Variants in MBD5 observed in about 807,000 individuals in gnomAD.
MBD5 encodes methyl-CpG-binding domain protein 5.
A neutral mutation model predicts 117.3 loss-of-function variants in MBD5; 13 were observed. The observed-to-expected ratio is 0.11, with a 90% CI of 0.07 to 0.18. The LOEUF (loss-of-function observed/expected upper bound fraction) is 0.18. MBD5 is among the 10% of genes least tolerant of loss of function. The pLI, the probability that MBD5 is intolerant of heterozygous loss-of-function variation, is 1.00. For synonymous variants in MBD5, 727 were observed against 766.4 expected (o/e 0.95, Z 0.85); for missense variants, 1,879 against 2,093.8 (o/e 0.90, Z 2.00).
chr2:148,340,939 C>T (rs1157567300), intron 3 of MBD5, among the ~76,000 whole-genome samples: 1 of 151,736 alleles, frequency 6.6e-6, no homozygotes, highest in Non-Finnish European at 1.5e-5. Context: ...TATAACACCT[C>T]TATTAGTTAG....
intron 3 of MBD5, among the ~76,000 whole-genome samples, chr2:148,303,784 ACT>A (rs1701827660): frequency 6.6e-6 from 1 of 152,178 alleles, no homozygotes. Flanking sequence ...TAGTTTGCTC[ACT>A]CTGAATAGAT....
At chr2:148,257,272 C>T (rs1231889357) in intron 3 of MBD5, among the ~76,000 whole-genome samples, 4 of 152,196 alleles carry the variant, frequency 2.6e-5, no homozygotes, top group Non-Finnish European at 2.9e-5. Context: ...CTGAATAGCC[C>T]GCTTGGCTGC....
chr2:148,441,523 T>C (rs1050058631), intron 4 of MBD5, among the ~76,000 whole-genome samples: 1 of 152,174 alleles, frequency 6.6e-6, no homozygotes, highest in East Asian at 1.9e-4. Flanking sequence ...CATTTGGGTT[T>C]GTTCCAAGTC....
intron 3 of MBD5, among the ~76,000 whole-genome samples, chr2:148,280,009 T>G (rs887210491): frequency 2.0e-5 from 3 of 151,916 alleles, no homozygotes; most frequent in Non-Finnish European, 2.9e-5. Context: ...TCACTTTTTT[T>G]CCTCCTTTCA....
chr2:148,452,297 A>T (rs1487994524), intron 4 of MBD5, among the ~76,000 whole-genome samples: 1 of 152,120 alleles, frequency 6.6e-6, no homozygotes, highest in Non-Finnish European at 1.5e-5. Context: ...GGAGTTCAAG[A>T]CCAGCCTGGG....
At chr2:148,131,452 G>T (rs1185139402) in intron 1 of MBD5, among the ~76,000 whole-genome samples, 11 of 152,146 alleles carry the variant, frequency 7.2e-5, no homozygotes. Context: ...CTAGCACTTT[G>T]GGGGGCCGAG....
Position 148,490,525 on chromosome 2 carries a change from C to G in MBD5, c.4893C>G (p.Ser1631=). The part of the protein sequence containing the change: ...LVWGQIKGLT[S]WPGKLVREDD... Reference sequence around the variant, plus strand: ...GGGGCCAAATCAAAGGACTGACTTCCTGGCCTGGAAAATTAGTAAGAGAAG... The same window carrying G: ...GGGGCCAAATCAAAGGACTGACTTCGTGGCCTGGAAAATTAGTAAGAGAAG... The change falls in exon 11 of 14, where the codon TCC becomes TCG. Residue 1631 remains serine (S), a synonymous_variant. Transcript: ENST00000642680. The G allele has an allele frequency of 6.2e-7, 1 of 1,614,168 alleles. No homozygotes were observed. The highest frequency in any genetic ancestry group is 8.5e-7 in the Non-Finnish European group (1 of 1,180,036).
At chr2:148,033,786 C>T (rs1454185771) in intron 1 of MBD5, among the ~76,000 whole-genome samples, 1 of 152,126 alleles carries the variant, frequency 6.6e-6, no homozygotes, top group African/African-American at 2.4e-5. Flanking sequence ...TTAATTTTCT[C>T]GCATTCTCAG....
intron 2 of MBD5, among the ~76,000 whole-genome samples, chr2:148,183,027 A>T (rs549701232): frequency 1.3e-5 from 2 of 152,324 alleles, no homozygotes; most frequent in South Asian, 2.1e-4. Flanking sequence ...CTGCTTTTGT[A>T]TAACTAGAAA....
intron 4 of MBD5, among the ~76,000 whole-genome samples, chr2:148,452,232 G>A (rs144415662): frequency 0.015 from 2,223 of 152,162 alleles, 50 homozygotes; most frequent in African/African-American, 0.05. Flanking sequence ...ACGGTGGCTC[G>A]CACTTGTAAT....
At chr2:148,204,330 A>G (rs902478446) in intron 2 of MBD5, among the ~76,000 whole-genome samples, 1 of 152,206 alleles carries the variant, frequency 6.6e-6, no homozygotes, top group African/African-American at 2.4e-5. Context: ...AACCAAAGAA[A>G]AAAAAGATTA....
intron 1 of MBD5, among the ~76,000 whole-genome samples, chr2:148,165,551 G>GT (rs1167828675): frequency 6.6e-6 from 1 of 151,860 alleles, no homozygotes; most frequent in Non-Finnish European, 1.5e-5. Flanking sequence ...CAATGAACAG[G>GT]TTTTTTATAT....
chr2:148,367,949 C>G (rs2105347077), intron 4 of MBD5, among the ~76,000 whole-genome samples: 1 of 152,174 alleles, frequency 6.6e-6, no homozygotes, highest in African/African-American at 2.4e-5. Flanking sequence ...CCAGAAATAC[C>G]ACTTGACCCA....
At chr2:148,073,665 C>A (rs2105099319) in intron 1 of MBD5, among the ~76,000 whole-genome samples, 1 of 152,138 alleles carries the variant, frequency 6.6e-6, no homozygotes, top group Middle Eastern at 3.4e-3. Context: ...AGGAAATGAC[C>A]ATGGAATGTC....
chr2:148,264,087 GA>G (rs1330394525), intron 3 of MBD5: 2 of 152,182 alleles, frequency 1.3e-5, no homozygotes, highest in Non-Finnish European at 2.9e-5. Flanking sequence ...TGCACATGTA[GA>G]TGTGGACCAT....
chr2:148,437,269 C>T (rs1478682636), intron 4 of MBD5, among the ~76,000 whole-genome samples: 1 of 152,198 alleles, frequency 6.6e-6, no homozygotes, highest in East Asian at 1.9e-4. Context: ...GCATGAGCCA[C>T]CACGCCCAGC....
At chr2:148,158,570 G>A (rs1198584568) in intron 1 of MBD5, among the ~76,000 whole-genome samples, 1 of 152,114 alleles carries the variant, frequency 6.6e-6, no homozygotes, top group Non-Finnish European at 1.5e-5. Context: ...ATACTTGGCC[G>A]TTTATACTGT....
chr2:148,360,305 A>G (rs918474756), intron 4 of MBD5, among the ~76,000 whole-genome samples: 2 of 152,160 alleles, frequency 1.3e-5, no homozygotes, highest in African/African-American at 2.4e-5. Context: ...TAAAGTGCAT[A>G]TATTTTTTGG....
intron 4 of MBD5, among the ~76,000 whole-genome samples, chr2:148,344,029 T>C (rs554856470): frequency 1.3e-5 from 2 of 152,200 alleles, no homozygotes; most frequent in South Asian, 4.1e-4. Flanking sequence ...CTGCACTGCA[T>C]GTGGCTACCA....
Sources: allele counts gnomAD v4.1 joint callset (sites outside exome capture counted in the v4.1 genomes callset), GRCh38; gene constraint gnomAD v4.1.1; transcripts MANE v1.5; gene names NCBI Gene and HGNC (gene_info 2026-07-23, HGNC 2026-07-21).